GGTA1: variants seen among roughly 807,000 people sequenced by gnomAD.
GGTA1 encodes glycoprotein alpha-galactosyltransferase 1 (inactive), also known as inactive N-acetyllactosaminide alpha-1,3-galactosyltransferase.
In GGTA1, 5 loss-of-function variants were observed where a neutral mutation model predicts 2.6. That is an observed-to-expected ratio of 1.92 (90% CI 1.00 to 4.04). The LOEUF (loss-of-function observed/expected upper bound fraction) is 4.04, where lower values mean the gene tolerates loss of function less well. Among genes scored for constraint, GGTA1 ranks in the 30% most tolerant of loss-of-function variants. The pLI, the probability that GGTA1 is intolerant of heterozygous loss-of-function variation, is 0.00. For missense variants in GGTA1, 50 were observed against 16.7 expected (o/e 2.99, Z -3.47); for synonymous variants, 17 against 5.0 (o/e 3.38, Z -3.19).
At chr9:121,457,859 A>T (rs182993176) in intron 5 of GGTA1, among the ~76,000 whole-genome samples, 172 of 151,846 alleles carry the variant, frequency 1.1e-3, no homozygotes, top group African/African-American at 3.7e-3. Flanking sequence ...CGACCTTGAT[A>T]TGGAAATATG....
chr9:121,496,731 CAAAAAAAAA>C (rs772847384), intron 1 of GGTA1, among the ~76,000 whole-genome samples: 22 of 31,210 alleles, frequency 7.0e-4, no homozygotes, highest in African/African-American at 2.1e-3. Flanking sequence ...GGCTCCATCT[CAAAAAAAAA>C]AAAAAAAAAA....
intron 1 of GGTA1, among the ~76,000 whole-genome samples, chr9:121,490,940 A>G (rs559457720): frequency 7.2e-5 from 11 of 152,164 alleles, no homozygotes; most frequent in Non-Finnish European, 1.5e-4. Flanking sequence ...TTGAATTTTC[A>G]TGCCCTGGAA....
At chr9:121,498,804 G>A (rs1461308621) in intron 1 of GGTA1, among the ~76,000 whole-genome samples, 2 of 151,940 alleles carry the variant, frequency 1.3e-5, no homozygotes, top group African/African-American at 4.8e-5. Flanking sequence ...AGTCCCTCCC[G>A]GCCGCCACAG....
intron 7 of GGTA1, among the ~76,000 whole-genome samples, chr9:121,449,557 C>T (rs1037169958): frequency 6.6e-6 from 1 of 152,076 alleles, no homozygotes; most frequent in Admixed American, 6.6e-5. Context: ...CGCCATCTCC[C>T]ATTGCCGGGC....
At chr9:121,480,352 G>A (rs149451272) in intron 1 of GGTA1, among the ~76,000 whole-genome samples, 15 of 152,244 alleles carry the variant, frequency 9.9e-5, no homozygotes, top group African/African-American at 3.1e-4. Context: ...CACCATGCCC[G>A]GTGGGCAGTA....
chr9:121,472,527 G>T (rs1828414508), intron 1 of GGTA1, among the ~76,000 whole-genome samples: 1 of 152,216 alleles, frequency 6.6e-6, no homozygotes, highest in Admixed American at 6.5e-5. Context: ...TTGAAGGAAA[G>T]AAAGGAGGGA....
intron 2 of GGTA1, among the ~76,000 whole-genome samples, chr9:121,467,335 C>T (rs941554398): frequency 2.6e-5 from 4 of 152,166 alleles, no homozygotes; most frequent in African/African-American, 9.7e-5. Context: ...CACACACCCA[C>T]ACACACTCTC....
chr9:121,458,344 G>A (rs1447229636), intron 5 of GGTA1, among the ~76,000 whole-genome samples: 1 of 151,870 alleles, frequency 6.6e-6, no homozygotes, highest in Non-Finnish European at 1.5e-5. Flanking sequence ...TAATCTGCTT[G>A]TGTCCAGAAG....
intron 1 of GGTA1, among the ~76,000 whole-genome samples, chr9:121,488,819 G>T (rs1828814617): frequency 6.6e-6 from 1 of 152,220 alleles, no homozygotes. Context: ...TGAGGCAGGA[G>T]AATCGCTTGA....
chr9:121,490,691 T>A (rs924422193), intron 1 of GGTA1, among the ~76,000 whole-genome samples: 5 of 152,236 alleles, frequency 3.3e-5, no homozygotes, highest in Non-Finnish European at 7.3e-5. Context: ...AGAGCTAGAA[T>A]TAGCTCCTAT....
chr9:121,453,696 C>T (rs1411276714), downstream of GGTA1, among the ~76,000 whole-genome samples: 4 of 152,182 alleles, frequency 2.6e-5, no homozygotes, highest in Admixed American at 1.3e-4. Flanking sequence ...GCTGCACTGC[C>T]GTGGTCCTGG....
rs1430215325 is a variant in GGTA1 at position 121,489,291 on chromosome 9, T to C, written c.-10+10359A>G. 4.6e-5 allele frequency among the ~76,000 whole-genome samples: 7 copies of C among 152,312 alleles called. No individual in the cohort carries two copies. The South Asian group carries it at 1.4e-3, about 32-fold the overall frequency. ...ACTGCTCACTGCAGCCTCTGTCTCC[T>C]GAGCTCAAGCGATCCTCCCACCTTA... is the stretch of plus-strand genomic sequence containing the variant. On this transcript the variant is annotated intron_variant, in intron 1 of 5. Coordinates refer to ENST00000481799, the MANE Select transcript of GGTA1 (RefSeq NM_001382585.1).
chr9:121,465,350 G>A (rs1382115603), intron 2 of GGTA1, among the ~76,000 whole-genome samples: 3 of 152,228 alleles, frequency 2.0e-5, no homozygotes, highest in Non-Finnish European at 4.4e-5. Flanking sequence ...TTCTTCTGTT[G>A]GACTCTTCCA....
chr9:121,447,302 C>T (rs769174979), exon 8 of GGTA1: 1 of 152,642 alleles, frequency 6.6e-6, no homozygotes, highest in Non-Finnish European at 1.5e-5. Flanking sequence ...CCTAGGGTCT[C>T]CACCCCAAAA....
chr9:121,493,748 CTTTTTTTTTTTTTTT>C (rs35465171), intron 1 of GGTA1, among the ~76,000 whole-genome samples: 29 of 36,562 alleles, frequency 7.9e-4, no homozygotes, highest in African/African-American at 2.6e-3. Context: ...GACTCACTCT[CTTTTTTTTTTTTTTT>C]TTTTTTTTTT....
intron 1 of GGTA1, among the ~76,000 whole-genome samples, 198 bp from the exon 2 acceptor site, chr9:121,468,129 C>T (rs562771416): frequency 1.1e-4 from 16 of 152,326 alleles, no homozygotes; most frequent in African/African-American, 3.6e-4. Context: ...AGCAACCCAT[C>T]ATCTACATTA....
At chr9:121,460,368 G>A (rs550034942) in intron 4 of GGTA1, 149 bp from the exon 5 acceptor site, 4 of 367,866 alleles carry the variant, frequency 1.1e-5, no homozygotes, top group East Asian at 7.3e-5. Flanking sequence ...GGCACTAAGC[G>A]TTTATTCATA....
At chr9:121,498,259 A>G (rs1229757659) in intron 1 of GGTA1, among the ~76,000 whole-genome samples, 3 of 152,190 alleles carry the variant, frequency 2.0e-5, no homozygotes, top group African/African-American at 7.2e-5. Context: ...GGACTGGGCA[A>G]TCCCTAGGGA....
At chr9:121,485,479 A>G (rs938436049) in intron 1 of GGTA1, among the ~76,000 whole-genome samples, 7 of 152,228 alleles carry the variant, frequency 4.6e-5, no homozygotes, top group Non-Finnish European at 8.8e-5. Context: ...AGTGTCTAGC[A>G]TTATATTCCT....
Sources: allele counts gnomAD v4.1 joint callset (sites outside exome capture counted in the v4.1 genomes callset), GRCh38; gene constraint gnomAD v4.1.1; transcripts MANE v1.5; gene names NCBI Gene and HGNC (gene_info 2026-07-23, HGNC 2026-07-21).